HBEGF: variants seen among roughly 807,000 people sequenced by gnomAD.
The protein encoded by HBEGF is heparin binding EGF like growth factor, also known as proheparin-binding EGF-like growth factor.
In HBEGF, 8 loss-of-function variants were observed where a neutral mutation model predicts 19.5. That is an observed-to-expected ratio of 0.41 (90% CI 0.24 to 0.74). The LOEUF is 0.74. Ranked by LOEUF, HBEGF falls within the 30% of genes least tolerant of loss-of-function variation. The pLI is 0.32. For synonymous variants in HBEGF, 97 were observed against 108.9 expected (o/e 0.89, Z 0.68); for missense variants, 207 against 256.9 (o/e 0.81, Z 1.33).
Position 140,346,240 on chromosome 5 carries a change from C to T in HBEGF, c.46+43G>A, listed in dbSNP as rs374647132. 128 of 1,580,180 alleles carry T rather than the reference C, an allele frequency of 8.1e-5. No homozygotes were observed. The highest frequency in any genetic ancestry group is 1.1e-4 in the Non-Finnish European group (127 of 1,164,748). On this transcript the variant is annotated intron_variant, in intron 1 of 5. Coordinates refer to ENST00000230990, the MANE Select transcript of HBEGF (RefSeq NM_001945.3). The surrounding 1 kb of genome is among the most constrained non-coding windows in gnomAD (Gnocchi z 6.1). The stretch of plus-strand genomic sequence containing the variant: ...CTTCCCCCATGCCCCCAGCACAACG[C>T]CCCCATCCCCCCGATCTCCGGGGGC...
intron 3 of HBEGF, 88 bp from the exon 4 acceptor site, chr5:140,336,115 C>T: frequency 7.5e-7 from 1 of 1,332,340 alleles, no homozygotes; most frequent in Non-Finnish European, 1.0e-6. Flanking sequence ...AACCCCATTC[C>T]TCATACCCTC....
intron 2 of HBEGF, among the ~76,000 whole-genome samples, chr5:140,343,603 C>T (rs961183791): frequency 7.9e-5 from 12 of 152,286 alleles, no homozygotes; most frequent in African/African-American, 2.9e-4. Context: ...CCAGAAGGAA[C>T]TGGAACAATG....
At position 140,346,132 on chromosome 5, in the gene HBEGF, A is replaced by G. The variant is rs1766396342; in HGVS notation, c.47-48T>C. 6.9e-6 allele frequency: 11 copies of G among 1,585,582 alleles called. No individual in the cohort carries two copies. The highest frequency in any genetic ancestry group is 9.4e-6 in the Non-Finnish European group (11 of 1,166,484). On this transcript the variant is annotated intron_variant, in intron 1 of 5. Transcript: ENST00000230990. This position sits in a 1 kb window ranked among gnomAD's most constrained non-coding sequence, Gnocchi z 6.1. ...CATCAGACACCCGCCCAGACCCCTG[A>G]CCAACACGCACCGATGCCGACGCCC...
Position 140,335,902 on chromosome 5 carries a change from A to G in HBEGF, c.524T>C (p.Leu175Pro), listed in dbSNP as rs763833110. Residue 175 changes from leucine to proline, a missense_variant, in exon 4 of 6, where the codon CTG becomes CCG. Leu to Pro is a moderately conservative substitution (Grantham distance 98, BLOSUM62 -3). Around this residue, in one of 3 missense-constraint regions of HBEGF, gnomAD observed 77 missense variants for 106.9 expected, o/e 0.72. Transcript: ENST00000230990. ...VVAVVLSSVCLLVIVGLLMFR... is the reference protein window; with the variant it reads ...VVAVVLSSVCPLVIVGLLMFR... Reference sequence around the variant, plus strand: ...CATGAGAAGCCCCACGATGACCAGCAGACAGACAGATGACAGCACCACAGC... The same window carrying G: ...CATGAGAAGCCCCACGATGACCAGCGGACAGACAGATGACAGCACCACAGC... 1.7e-5 allele frequency: 27 copies of G among 1,614,092 alleles called. No individual in the cohort carries two copies. The highest frequency in any genetic ancestry group is 2.2e-5 in the Non-Finnish European group (26 of 1,180,042).
intron 3 of HBEGF, among the ~76,000 whole-genome samples, chr5:140,337,119 C>T (rs1766240640): frequency 6.6e-6 from 1 of 152,156 alleles, no homozygotes; most frequent in South Asian, 2.1e-4. Flanking sequence ...GCATGAGCCA[C>T]CACACCGGGC....
At chr5:140,340,342 G>A (rs543400077) in intron 3 of HBEGF, among the ~76,000 whole-genome samples, 59 of 151,790 alleles carry the variant, frequency 3.9e-4, no homozygotes, top group Non-Finnish European at 6.8e-4. Flanking sequence ...CACTTTGGGA[G>A]GCTGAGGCAG....
intron 3 of HBEGF, among the ~76,000 whole-genome samples, chr5:140,337,945 T>G (rs1487845887): frequency 6.6e-6 from 1 of 152,164 alleles, no homozygotes; most frequent in Non-Finnish European, 1.5e-5. Context: ...AACATTCTGG[T>G]AGGCAGGTAC....
At chr5:140,340,953 G>A (rs1766302231) in intron 3 of HBEGF, among the ~76,000 whole-genome samples, 1 of 152,176 alleles carries the variant, frequency 6.6e-6, no homozygotes, top group Non-Finnish European at 1.5e-5. Context: ...TCAAGTAGAG[G>A]TACCAAGTCC....
At chr5:140,336,836 T>TC in intron 3 of HBEGF, among the ~76,000 whole-genome samples, 1 of 147,088 alleles carries the variant, frequency 6.8e-6, no homozygotes, top group East Asian at 1.9e-4. Flanking sequence ...TTCTTTTTTT[T>TC]TTTTTTTTTT....
chr5:140,334,905 G>A (rs1766204222), intron 4 of HBEGF, 157 bp from the exon 5 acceptor site: 2 of 657,930 alleles, frequency 3.0e-6, no homozygotes, highest in Non-Finnish European at 2.7e-6. Flanking sequence ...AGGCCCAACT[G>A]CCCCGAGGAA....
At chr5:140,334,630 T>A in intron 5 of HBEGF, 28 bp downstream of exon 5, 1 of 1,447,490 alleles carries the variant, frequency 6.9e-7, no homozygotes, top group Admixed American at 1.7e-5. Context: ...AGGATAATCA[T>A]GTCATGGGGC....
intron 5 of HBEGF, 39 bp downstream of exon 5, chr5:140,334,619 A>G (rs1766199694): frequency 7.2e-7 from 1 of 1,386,440 alleles, no homozygotes; most frequent in Admixed American, 1.7e-5. Flanking sequence ...AAAGGGGACA[A>G]AGGATAATCA....
At chr5:140,340,308 G>C (rs1402343338) in intron 3 of HBEGF, among the ~76,000 whole-genome samples, 1 of 151,008 alleles carries the variant, frequency 6.6e-6, no homozygotes, top group Admixed American at 6.6e-5. Context: ...GGCTAGATAT[G>C]GTGGCTCATG....
At chr5:140,343,734 C>T (rs1200135454) in intron 2 of HBEGF, among the ~76,000 whole-genome samples, 1 of 152,188 alleles carries the variant, frequency 6.6e-6, no homozygotes, top group Non-Finnish European at 1.5e-5. Context: ...TTTTATCCCC[C>T]ATCAGGAAAA....
chr5:140,335,121 T>C lies in HBEGF; in HGVS notation c.555-373A>G, dbSNP rs531918741. On this transcript the variant is annotated intron_variant, in intron 4 of 5. Transcript: ENST00000230990. Reference sequence around the variant, plus strand: ...GCATAGAGCTAGGCACGGTGGCTCATGCCTGTAATCCCAGCACTTTGGGAG... The same window carrying C: ...GCATAGAGCTAGGCACGGTGGCTCACGCCTGTAATCCCAGCACTTTGGGAG... 1.5e-4 allele frequency: 30 copies of C among 199,124 alleles called. No individual in the cohort carries two copies. In the East Asian group the frequency reaches 3.8e-3, roughly 25 times the overall value. 12.3% of individuals were successfully genotyped at this position (199,124 alleles called of 1,614,324 possible).
At chr5:140,338,343 A>T (rs918615286) in intron 3 of HBEGF, among the ~76,000 whole-genome samples, 2 of 152,204 alleles carry the variant, frequency 1.3e-5, no homozygotes, top group Non-Finnish European at 2.9e-5. Flanking sequence ...CCCATTTTAA[A>T]GATGGACTGA....
intron 3 of HBEGF, among the ~76,000 whole-genome samples, chr5:140,338,183 T>C (rs999984608): frequency 1.1e-4 from 17 of 152,230 alleles, no homozygotes; most frequent in African/African-American, 4.1e-4. Context: ...TCTCTGACTA[T>C]GTTATTATTA....
intron 4 of HBEGF, among the ~76,000 whole-genome samples, chr5:140,335,383 CAAAAA>C (rs752308223): frequency 3.3e-5 from 3 of 91,116 alleles, no homozygotes; most frequent in East Asian, 3.3e-4. Flanking sequence ...GACTCTGTCT[CAAAAA>C]AAAAAAAAAA....
At chr5:140,344,693 T>C (rs1056853383) in intron 2 of HBEGF, among the ~76,000 whole-genome samples, 1 of 151,798 alleles carries the variant, frequency 6.6e-6, no homozygotes, top group Non-Finnish European at 1.5e-5. Context: ...GTGATACAGG[T>C]GGTCAGAGGA....
Sources: gnomAD v4.1 joint callset for allele counts (sites outside exome capture counted in the v4.1 genomes callset) on GRCh38, gnomAD v4.1.1 for gene constraint, gnomAD v4.1.1 regional missense constraint, Gnocchi (gnomAD v3.1) non-coding constraint, MANE v1.5 for transcripts, NCBI Gene and HGNC (gene_info 2026-07-23, HGNC 2026-07-21) for gene names.